ARHGAP42: variants seen among roughly 807,000 people sequenced by gnomAD.
ARHGAP42 encodes the protein rho GTPase-activating protein 42.
In ARHGAP42, 63 loss-of-function variants were observed where a neutral mutation model predicts 125.0. That is an observed-to-expected ratio of 0.50 (90% confidence interval 0.41 to 0.62). ARHGAP42 has a LOEUF of 0.62. Among genes scored for constraint, ARHGAP42 ranks in the 20% least tolerant of loss-of-function variants. The probability of loss-of-function intolerance (pLI) is 0.00; values close to 1 mark genes in which losing one functional copy is unlikely to be tolerated. For missense variants in ARHGAP42, 766 were observed against 1,024.2 expected, an observed-to-expected ratio of 0.75 and a Z score of 3.44; for synonymous variants, 339 against 351.0, an observed-to-expected ratio of 0.97 and a Z score of 0.38.
intron 17 of ARHGAP42, among the ~76,000 whole-genome samples, chr11:100,968,835 C>G (rs1196351223): frequency 2.6e-5 from 4 of 152,032 alleles, no homozygotes; most frequent in African/African-American, 9.7e-5. Flanking sequence ...TTAATACATA[C>G]ATATTATTAA....
At chr11:100,855,569 A>G (rs529579870) in intron 3 of ARHGAP42, among the ~76,000 whole-genome samples, 2 of 152,196 alleles carry the variant, frequency 1.3e-5, no homozygotes, top group Non-Finnish European at 2.9e-5. Context: ...TGTGGGGGAA[A>G]AAAAGGAAAT....
At chr11:100,890,133 C>G (rs1285902347) in intron 4 of ARHGAP42, among the ~76,000 whole-genome samples, 1 of 152,140 alleles carries the variant, frequency 6.6e-6, no homozygotes. Context: ...AGATGACAGC[C>G]ATTTTGAGGA....
At chr11:100,922,761 G>A (rs1482097832) in intron 6 of ARHGAP42, among the ~76,000 whole-genome samples, 3 of 152,156 alleles carry the variant, frequency 2.0e-5, no homozygotes, top group African/African-American at 7.2e-5. Flanking sequence ...AGACAGAGCA[G>A]AGGTTGGGGA....
At chr11:100,977,301 TC>T (rs962527335) in intron 21 of ARHGAP42, among the ~76,000 whole-genome samples, 13 of 152,182 alleles carry the variant, frequency 8.5e-5, no homozygotes, top group Non-Finnish European at 1.9e-4. Context: ...AAGCTAAACA[TC>T]CATCTCTCCG....
chr11:100,961,203 C>CT (rs1263771565), intron 14 of ARHGAP42, among the ~76,000 whole-genome samples: 1 of 151,872 alleles, frequency 6.6e-6, no homozygotes, highest in African/African-American at 2.4e-5. Flanking sequence ...CCCAAGTGTC[C>CT]TTTGGTAAGC....
intron 1 of ARHGAP42, among the ~76,000 whole-genome samples, chr11:100,756,847 T>C (rs1349086761): frequency 6.6e-6 from 1 of 152,226 alleles, no homozygotes; most frequent in Non-Finnish European, 1.5e-5. Flanking sequence ...AGTGCATACA[T>C]GTTAATGGCT....
At chr11:100,842,757 ATTGT>A (rs1864971932) in intron 3 of ARHGAP42, among the ~76,000 whole-genome samples, 1 of 152,166 alleles carries the variant, frequency 6.6e-6, no homozygotes, top group Admixed American at 6.6e-5. Flanking sequence ...AAATTAAAAA[ATTGT>A]TTGAACTGAA....
At chr11:100,921,237 ATATATATATTTTTTTTTTTTTT>A (rs1378227010) in intron 5 of ARHGAP42, among the ~76,000 whole-genome samples, 20 of 28,674 alleles carry the variant, frequency 7.0e-4, no homozygotes, top group Admixed American at 2.7e-3. Context: ...ATATATATAT[ATATATATATTTTTTTTTTTTTT>A]TTTTTTTTTT....
At chr11:100,923,212 G>A (rs61890835) in intron 6 of ARHGAP42, among the ~76,000 whole-genome samples, 11,198 of 152,086 alleles carry the variant, frequency 0.074, 611 homozygotes, top group Non-Finnish European at 0.11. Flanking sequence ...TTGAAGCCTC[G>A]CTTCTTGCTA....
At chr11:100,889,987 G>C (rs1431181939) in intron 4 of ARHGAP42, among the ~76,000 whole-genome samples, 1 of 152,178 alleles carries the variant, frequency 6.6e-6, no homozygotes, top group Non-Finnish European at 1.5e-5. Flanking sequence ...AATAGGCAGG[G>C]TTGGTGTTCT....
intron 4 of ARHGAP42, among the ~76,000 whole-genome samples, chr11:100,883,890 A>G (rs938496161): frequency 6.6e-6 from 1 of 152,144 alleles, no homozygotes; most frequent in South Asian, 2.1e-4. Context: ...CTCAGACTGT[A>G]GTGTATTTTT....
intron 1 of ARHGAP42, among the ~76,000 whole-genome samples, chr11:100,760,197 G>A (rs1040156876): frequency 1.3e-5 from 2 of 152,134 alleles, no homozygotes; most frequent in South Asian, 2.1e-4. Flanking sequence ...ATTTGAAGAC[G>A]TTTGAAGGTC....
intron 1 of ARHGAP42, among the ~76,000 whole-genome samples, chr11:100,729,475 T>C (rs758848529): frequency 9.2e-5 from 14 of 152,152 alleles, no homozygotes; most frequent in Non-Finnish European, 2.1e-4. Flanking sequence ...ATATGTCAAT[T>C]GCTTATGTAG....
intron 17 of ARHGAP42, among the ~76,000 whole-genome samples, chr11:100,968,306 T>C (rs1454735733): frequency 6.6e-6 from 1 of 152,192 alleles, no homozygotes; most frequent in East Asian, 1.9e-4. Flanking sequence ...TTATTATTGA[T>C]GTGGTTGGAC....
intron 7 of ARHGAP42, 74 bp from the exon 8 acceptor site, chr11:100,936,128 AC>A: frequency 6.6e-7 from 1 of 1,517,156 alleles, no homozygotes; most frequent in African/African-American, 1.4e-5. Flanking sequence ...TAAAAGCAAA[AC>A]AAAATATTAG....
intron 1 of ARHGAP42, among the ~76,000 whole-genome samples, chr11:100,751,936 T>G (rs1422368631): frequency 6.6e-6 from 1 of 151,850 alleles, no homozygotes; most frequent in Non-Finnish European, 1.5e-5. Flanking sequence ...CCTGCCACCA[T>G]GCCCAGCTAA....
intron 4 of ARHGAP42, among the ~76,000 whole-genome samples, chr11:100,877,470 T>C (rs1189005335): frequency 1.3e-5 from 2 of 152,214 alleles, no homozygotes; most frequent in Non-Finnish European, 2.9e-5. Context: ...TTCTGTTAAT[T>C]GCATTTTCTT....
chr11:100,806,817 T>A (rs1864002221), intron 3 of ARHGAP42, among the ~76,000 whole-genome samples: 1 of 141,160 alleles, frequency 7.1e-6, no homozygotes, highest in Non-Finnish European at 1.5e-5. Flanking sequence ...TTTTTAAATT[T>A]TTTATTTGTT....
chr11:100,870,794 A>G (rs960201601), intron 4 of ARHGAP42, among the ~76,000 whole-genome samples: 3 of 152,342 alleles, frequency 2.0e-5, no homozygotes, highest in Admixed American at 6.5e-5. Context: ...TGTAGTGCTC[A>G]TCATTTGATG....
Sources: gnomAD v4.1 joint callset for allele counts (sites outside exome capture counted in the v4.1 genomes callset) on GRCh38, gnomAD v4.1.1 for gene constraint, MANE v1.5 for transcripts, NCBI Gene and HGNC (gene_info 2026-07-23, HGNC 2026-07-21) for gene names.